VPS37C: variants seen among roughly 807,000 people sequenced by gnomAD.
VPS37C encodes vacuolar protein sorting-associated protein 37C.
Under a neutral mutation model 16.1 loss-of-function variants are expected in VPS37C, and 9 were observed. The ratio of observed to expected loss-of-function variants is 0.56; its 90% CI spans 0.34 to 0.97. The LOEUF (loss-of-function observed/expected upper bound fraction) is 0.97, where lower values mean the gene tolerates loss of function less well. Ranked by LOEUF, VPS37C falls within the 50% of genes least tolerant of loss-of-function variation. VPS37C has a pLI of 0.02. For missense variants in VPS37C, 479 were observed against 472.7 expected (o/e 1.01, Z -0.12); for synonymous variants, 207 against 206.4 (o/e 1.00, Z -0.02).
intron 1 of VPS37C, among the ~76,000 whole-genome samples, chr11:61,158,459 C>G (rs561042008): frequency 1.3e-5 from 2 of 152,342 alleles, no homozygotes; most frequent in East Asian, 3.9e-4. Context: ...TTTACCAAGA[C>G]AGACCACAGA....
chr11:61,159,220 C>A (rs1853424940), intron 1 of VPS37C, among the ~76,000 whole-genome samples: 1 of 152,178 alleles, frequency 6.6e-6, no homozygotes, highest in South Asian at 2.1e-4. Context: ...GGAATAATGT[C>A]ACTTCCAAGC....
At chr11:61,149,340 T>C (rs569086458) in intron 1 of VPS37C, among the ~76,000 whole-genome samples, 1 of 152,226 alleles carries the variant, frequency 6.6e-6, no homozygotes, top group South Asian at 2.1e-4. Context: ...AGATAAAAAC[T>C]CCTAGATTTC....
intron 1 of VPS37C, among the ~76,000 whole-genome samples, chr11:61,147,528 C>G (rs959408255): frequency 1.3e-5 from 2 of 151,986 alleles, no homozygotes; most frequent in Admixed American, 1.3e-4. Flanking sequence ...CCTAGCAGAC[C>G]GGGGTGGAAG....
chr11:61,154,870 C>T (rs1429101652), intron 1 of VPS37C, among the ~76,000 whole-genome samples: 4 of 152,060 alleles, frequency 2.6e-5, no homozygotes, highest in South Asian at 2.1e-4. Context: ...TTTGGAAGGC[C>T]GAGGTGGGAG....
chr11:61,146,652 G>C (rs565501066), intron 1 of VPS37C, among the ~76,000 whole-genome samples: 2 of 152,272 alleles, frequency 1.3e-5, no homozygotes, highest in South Asian at 4.1e-4. Flanking sequence ...ACCTTTTCTG[G>C]GGTGATATCA....
At chr11:61,155,091 G>A (rs1400996392) in intron 1 of VPS37C, among the ~76,000 whole-genome samples, 2 of 114,376 alleles carry the variant, frequency 1.7e-5, no homozygotes, top group Non-Finnish European at 3.4e-5. Flanking sequence ...ATGACAGAGT[G>A]AGACTCTGTC....
chr11:61,137,500 C>A (rs1861398981), intron 2 of VPS37C, among the ~76,000 whole-genome samples: 2 of 152,240 alleles, frequency 1.3e-5, no homozygotes, highest in Admixed American at 1.3e-4. Flanking sequence ...GCTCTGCACA[C>A]TCTAGAAGCA....
chr11:61,142,954 TAAAAAAAAAAAAAGAATAGCTAAAAAA>T (rs1189748608), intron 1 of VPS37C, among the ~76,000 whole-genome samples: 4 of 92,338 alleles, frequency 4.3e-5, no homozygotes, highest in Non-Finnish European at 8.0e-5. Context: ...TAAAGTATAA[TAAAAAAAAAAAAAGAATAGCTAAAAAA>T]AAAAAAAAAA....
intron 1 of VPS37C, among the ~76,000 whole-genome samples, chr11:61,148,548 TC>T (rs1357073910): frequency 4.7e-5 from 7 of 147,886 alleles, no homozygotes; most frequent in Non-Finnish European, 8.9e-5. Context: ...AGTACCAGAC[TC>T]TTTTGTTTCC....
At chr11:61,136,043 G>A (rs1013987142) in intron 2 of VPS37C, among the ~76,000 whole-genome samples, 1 of 152,090 alleles carries the variant, frequency 6.6e-6, no homozygotes, top group South Asian at 2.1e-4. Flanking sequence ...GGTGACTATG[G>A]TCAGCAACAA....
intron 3 of VPS37C, 92 bp from the exon 4 acceptor site, chr11:61,133,429 C>G: frequency 7.8e-7 from 1 of 1,284,322 alleles, no homozygotes; most frequent in Non-Finnish European, 1.1e-6. Context: ...GCATCCAGGC[C>G]CAGCCACCAC....
At position 61,133,971 on chromosome 11, in the gene VPS37C, GGAACACGGTGGGCC is replaced by G. The variant is rs1861317513; in HGVS notation, c.265+51_265+64del. The G allele has an allele frequency of 1.9e-6, 3 of 1,544,312 alleles. No homozygotes were observed. The African/African-American group carries it at 4.1e-5, about 21-fold the overall frequency. ...ACATAAAGCACTTAGCACAGGGCTG[GGAACACGGTGGGCC>G]TCCGTCCAACCCTGAATGGGGACCC... is the stretch of plus-strand genomic sequence containing the variant. On this transcript the variant is annotated intron_variant, in intron 3 of 4. Transcript: ENST00000301765.
intron 1 of VPS37C, among the ~76,000 whole-genome samples, chr11:61,160,894 C>G (rs1853463155): frequency 1.3e-5 from 2 of 152,212 alleles, no homozygotes; most frequent in Admixed American, 1.3e-4. Flanking sequence ...TCCCATCTCT[C>G]AATGCCCTGG....
At chr11:61,155,463 C>T (rs1201951952) in intron 1 of VPS37C, among the ~76,000 whole-genome samples, 1 of 152,110 alleles carries the variant, frequency 6.6e-6, no homozygotes. Context: ...CACGCCACTG[C>T]ACTCTGGCCT....
intron 2 of VPS37C, among the ~76,000 whole-genome samples, chr11:61,137,348 G>GT (rs575844457): frequency 9.5e-4 from 145 of 152,342 alleles, no homozygotes; most frequent in African/African-American, 3.2e-3. Context: ...ATCCACGAGT[G>GT]TTTTTTCCCC....
chr11:61,138,566 G>C (rs998522740), intron 2 of VPS37C, 171 bp downstream of exon 2: 12 of 621,910 alleles, frequency 1.9e-5, no homozygotes, highest in Non-Finnish European at 3.4e-5. Context: ...AGAACTCCCA[G>C]GAACTGGTCT....
At chr11:61,159,018 C>G (rs1472809215) in intron 1 of VPS37C, among the ~76,000 whole-genome samples, 1 of 152,186 alleles carries the variant, frequency 6.6e-6, no homozygotes, top group Non-Finnish European at 1.5e-5. Context: ...CAACAGAGAT[C>G]CAGCTGGATT....
At chr11:61,142,645 A>G (rs1264993712) in intron 1 of VPS37C, among the ~76,000 whole-genome samples, 1 of 152,076 alleles carries the variant, frequency 6.6e-6, no homozygotes, top group Non-Finnish European at 1.5e-5. Flanking sequence ...ACACTCATGC[A>G]AGAAAAGAGA....
intron 1 of VPS37C, chr11:61,145,040 T>C (rs1049732367): frequency 6.6e-6 from 1 of 152,234 alleles, no homozygotes; most frequent in African/African-American, 2.4e-5. Flanking sequence ...ACATGGCTCT[T>C]TTCTTCTGAA....
Sources: gnomAD v4.1 joint callset for allele counts (sites outside exome capture counted in the v4.1 genomes callset) on GRCh38, gnomAD v4.1.1 for gene constraint, MANE v1.5 for transcripts, NCBI Gene and HGNC (gene_info 2026-07-23, HGNC 2026-07-21) for gene names.